The following MGST1 variants were observed in gnomAD, a reference collection of about 807,000 sequenced individuals.
MGST1 encodes the protein glutathione S-transferase 12.
In MGST1, 5 loss-of-function variants were observed where a neutral mutation model predicts 8.9. The ratio of observed to expected loss-of-function variants is 0.56; its 90% CI spans 0.29 to 1.19. The LOEUF is 1.19. MGST1 is among the 50% of genes most tolerant of loss of function. MGST1 has a pLI of 0.08. For synonymous variants in MGST1, 54 were observed against 67.8 expected (o/e 0.80, Z 1.00); for missense variants, 182 against 187.4 (o/e 0.97, Z 0.17).
At chr12:16,486,823 C>A (rs1397828756) in intron 4 of MGST1, among the ~76,000 whole-genome samples, 1 of 152,174 alleles carries the variant, frequency 6.6e-6, no homozygotes, top group Non-Finnish European at 1.5e-5. Flanking sequence ...AGGACTGGTG[C>A]TCCCTAATTC....
chr12:16,400,111 C>G, intron 1 of MGST1: 3 of 1,561,044 alleles, frequency 1.9e-6, no homozygotes, highest in Non-Finnish European at 2.6e-6. Flanking sequence ...CAGTTTGTGC[C>G]TCATTTCTCG....
chr12:16,362,081 G>C lies in MGST1; in HGVS notation c.222-1714G>C, dbSNP rs912059481. On this transcript the variant is annotated intron_variant, in intron 3 of 3. Coordinates refer to ENST00000396210, the MANE Select transcript of MGST1 (RefSeq NM_020300.5). The surrounding 1 kb of genome is among the most constrained non-coding windows in gnomAD (Gnocchi z 4.4). ...AAAATGTCTGTCCTTTTGGCATGTT[G>C]TGAAGGAGAACACTAACGTGCCTAA... Among the ~76,000 whole-genome samples, 4 of 152,178 alleles carry C rather than the reference G, an allele frequency of 2.6e-5. No homozygotes were observed. The highest frequency in any genetic ancestry group is 2.6e-4 in the Admixed American group (4 of 15,286).
chr12:16,359,843 T>C (rs1439280965), intron 3 of MGST1, among the ~76,000 whole-genome samples: 1 of 152,198 alleles, frequency 6.6e-6, no homozygotes, highest in East Asian at 1.9e-4. Flanking sequence ...GTAAGTCTCC[T>C]GTGTGAAAGC....
chr12:16,468,820 G>A (rs1941272158), intron 4 of MGST1, among the ~76,000 whole-genome samples: 1 of 152,188 alleles, frequency 6.6e-6, no homozygotes, highest in South Asian at 2.1e-4. Flanking sequence ...AGGACACATG[G>A]CTGTCTAGCT....
rs1424606926 is a variant in MGST1, at chr12:16,587,562, G to A, written n.483-1966G>A. 6.6e-6 allele frequency among the ~76,000 whole-genome samples: 1 copy of A among 151,938 alleles called. No homozygotes were observed. Among genetic ancestry groups the A allele is most frequent in the Non-Finnish European group, 1.5e-5 (1 of 67,990 alleles). On this transcript the variant is annotated intron_variant and non_coding_transcript_variant, in intron 4 of 4. Transcript: ENST00000538857. The surrounding 1 kb of genome is among the most constrained non-coding windows in gnomAD (Gnocchi z 4.3). ...TTGGCCCCTTAATAGTAGCCTACAT[G>A]GTTGACTACCCTTGGTGTTAAATTT...
chr12:16,376,285 C>A, exon 4 of MGST1: 1 of 503,236 alleles, frequency 2.0e-6, no homozygotes, highest in Non-Finnish European at 3.5e-6. Context: ...TGGATTCAAG[C>A]AAAGATTATC....
chr12:16,545,495 A>C (rs1218979052), intron 4 of MGST1, among the ~76,000 whole-genome samples: 5 of 152,084 alleles, frequency 3.3e-5, no homozygotes, highest in Admixed American at 6.6e-5. Flanking sequence ...AAAGACAAAT[A>C]ACATACTCAT....
chr12:16,471,802 A>G (rs1941290801), intron 4 of MGST1, among the ~76,000 whole-genome samples: 1 of 152,124 alleles, frequency 6.6e-6, no homozygotes, highest in Non-Finnish European at 1.5e-5. Flanking sequence ...TTGACATCTC[A>G]CCAATGTTGT....
rs79914380 is a variant in MGST1, at chr12:16,497,491, A to G, written n.483-92037A>G. ...TCATGGTAAAGTGAAAAGAGAAAGC[A>G]GAGTTTGGTGAGAAAAGAATCTCTT... On this transcript the variant is annotated intron_variant and non_coding_transcript_variant, in intron 4 of 4. Transcript: ENST00000538857. The surrounding 1 kb of genome is among the most constrained non-coding windows in gnomAD (Gnocchi z 4.4). 0.017 allele frequency among the ~76,000 whole-genome samples: 2,641 copies of G among 152,308 alleles called. 30 individuals carry two copies. The highest frequency in any genetic ancestry group is 0.026 in the Non-Finnish European group (1,740 of 68,004).
intron 4 of MGST1, among the ~76,000 whole-genome samples, chr12:16,476,981 C>T (rs1941327981): frequency 6.6e-6 from 1 of 152,124 alleles, no homozygotes; most frequent in African/African-American, 2.4e-5. Context: ...TCTTTTAACT[C>T]TCCTATTCAT....
intron 4 of MGST1, among the ~76,000 whole-genome samples, chr12:16,460,074 A>G (rs1343219066): frequency 6.6e-6 from 1 of 152,172 alleles, no homozygotes; most frequent in Admixed American, 6.6e-5. Flanking sequence ...TATAGGAATG[A>G]CATTGGGATT....
At chr12:16,434,778 G>A (rs1229635965) in intron 1 of MGST1, among the ~76,000 whole-genome samples, 1 of 151,910 alleles carries the variant, frequency 6.6e-6, no homozygotes, top group South Asian at 2.1e-4. Flanking sequence ...AGAACTCTTA[G>A]AGTAAAACGA....
rs548675136 is a variant in MGST1, at chr12:16,410,266, T to A, written n.778+26662T>A. ...GATTTACCATATTTAAAATCTATCA[T>A]TTTAATTATTTTAATGGAAGGGTTG... On this transcript the variant is annotated intron_variant and non_coding_transcript_variant, in intron 1 of 1. Transcript: ENST00000359720. The surrounding 1 kb of genome is among the most constrained non-coding windows in gnomAD (Gnocchi z 4.4). Among the ~76,000 whole-genome samples the A allele has an allele frequency of 6.6e-6, 1 of 152,270 alleles. No homozygotes were observed. The highest frequency in any genetic ancestry group is 2.1e-4 in the South Asian group (1 of 4,826).
intron 4 of MGST1, among the ~76,000 whole-genome samples, chr12:16,474,061 T>A (rs1450992140): frequency 6.6e-6 from 1 of 152,206 alleles, no homozygotes; most frequent in Non-Finnish European, 1.5e-5. Flanking sequence ...GTGAACAATT[T>A]GTTCTGCAAC....
chr12:16,380,800 T>C (rs147634653), downstream of MGST1, among the ~76,000 whole-genome samples: 91,780 of 151,950 alleles, frequency 0.6, 28,493 homozygotes, highest in East Asian at 0.96. Flanking sequence ...AGGTCACTGA[T>C]GACTTGCTTT....
chr12:16,352,853 T>C (rs557812291), intron 1 of MGST1, among the ~76,000 whole-genome samples: 1 of 152,314 alleles, frequency 6.6e-6, no homozygotes, highest in African/African-American at 2.4e-5. Flanking sequence ...TGTTTTTTGA[T>C]GTTTCCATTA....
intron 1 of MGST1, chr12:16,400,781 G>A: frequency 8.0e-7 from 1 of 1,255,828 alleles, no homozygotes; most frequent in African/African-American, 1.5e-5. Context: ...AATGTGAAAA[G>A]GTGTTGCAAT....
Position 16,513,450 on chromosome 12 carries a change from G to A in MGST1, n.483-76078G>A. On this transcript the variant is annotated intron_variant and non_coding_transcript_variant, in intron 4 of 4. Transcript: ENST00000538857. The surrounding 1 kb of genome is among the most constrained non-coding windows in gnomAD (Gnocchi z 4.2). ...GGGATCGCCGCCGCCTTCCACCCGG[G>A]CTCGCCTCTGATGCCCCTGCCAGAG... 9.7e-6 allele frequency: 4 copies of A among 413,034 alleles called. No homozygotes were observed. The highest frequency in any genetic ancestry group is 7.4e-5 in the South Asian group (4 of 53,774). 25.6% of individuals were successfully genotyped at this position (413,034 alleles called of 1,614,324 possible).
intron 1 of MGST1, among the ~76,000 whole-genome samples, chr12:16,395,884 G>T (rs1216059725): frequency 6.7e-6 from 1 of 150,014 alleles, no homozygotes; most frequent in Non-Finnish European, 1.5e-5. Flanking sequence ...ACATATTTTT[G>T]GACTTGAGAA....
Sources: gnomAD v4.1 joint callset for allele counts (sites outside exome capture counted in the v4.1 genomes callset) on GRCh38, gnomAD v4.1.1 for gene constraint, Gnocchi (gnomAD v3.1) non-coding constraint, MANE v1.5 for transcripts, NCBI Gene and HGNC (gene_info 2026-07-23, HGNC 2026-07-21) for gene names.